The following ARHGAP18 variants were observed in gnomAD, a reference collection of about 807,000 sequenced individuals.
ARHGAP18 encodes the protein rho GTPase-activating protein 18.
A neutral mutation model predicts 86.2 loss-of-function variants in ARHGAP18; 67 were observed. That is an observed-to-expected ratio of 0.78 (90% CI 0.64 to 0.95). The LOEUF is 0.95. Among genes scored for constraint, ARHGAP18 ranks in the 40% least tolerant of loss-of-function variants. The pLI is 0.00. For missense variants in ARHGAP18, 691 were observed against 780.4 expected (o/e 0.89, Z 1.37); for synonymous variants, 283 against 280.4 (o/e 1.01, Z -0.09).
intron 5 of ARHGAP18, 144 bp downstream of exon 5, chr6:129,629,209 C>G: frequency 1.6e-4 from 108 of 673,566 alleles, no homozygotes; most frequent in Non-Finnish European, 2.2e-4. Flanking sequence ...CGTAGTGAGG[C>G]CTCATCTTTC....
chr6:129,628,692 A>T (rs1378922527), intron 5 of ARHGAP18, among the ~76,000 whole-genome samples: 1 of 152,200 alleles, frequency 6.6e-6, no homozygotes. Flanking sequence ...TCCTGAGGAA[A>T]CAATCAGAAA....
At chr6:129,583,585 A>T (rs1788330984) in intron 13 of ARHGAP18, among the ~76,000 whole-genome samples, 1 of 152,162 alleles carries the variant, frequency 6.6e-6, no homozygotes, top group African/African-American at 2.4e-5. Context: ...TCATAGAAAA[A>T]GTTGTGTCTT....
chr6:129,668,893 C>T (rs1774093683), intron 1 of ARHGAP18, among the ~76,000 whole-genome samples: 1 of 152,214 alleles, frequency 6.6e-6, no homozygotes, highest in African/African-American at 2.4e-5. Context: ...AACCTTGCTG[C>T]TGACTGGACA....
At chr6:129,587,930 C>T (rs1295714822) in intron 12 of ARHGAP18, among the ~76,000 whole-genome samples, 4 of 152,142 alleles carry the variant, frequency 2.6e-5, no homozygotes, top group Non-Finnish European at 5.9e-5. Flanking sequence ...AAGTCCAAGG[C>T]CTCATCTGAG....
intron 1 of ARHGAP18, among the ~76,000 whole-genome samples, chr6:129,676,139 A>G (rs547206123): frequency 6.6e-6 from 1 of 152,328 alleles, no homozygotes; most frequent in East Asian, 1.9e-4. Flanking sequence ...AAGGTGGGAG[A>G]GAATGAGGAG....
intron 1 of ARHGAP18, among the ~76,000 whole-genome samples, chr6:129,696,609 CTA>C (rs766728051): frequency 1.2e-4 from 18 of 152,134 alleles, no homozygotes; most frequent in Non-Finnish European, 2.6e-4. Flanking sequence ...GGAATTGAAT[CTA>C]TATAGTGCTT....
intron 1 of ARHGAP18, among the ~76,000 whole-genome samples, chr6:129,659,919 C>T (rs61678190): frequency 0.11 from 16,770 of 152,004 alleles, 1,285 homozygotes; most frequent in African/African-American, 0.21. Context: ...CCAGGTAGAA[C>T]GTGATGAGAA....
At chr6:129,670,275 A>G (rs751654316) in intron 1 of ARHGAP18, among the ~76,000 whole-genome samples, 2 of 152,252 alleles carry the variant, frequency 1.3e-5, no homozygotes, top group Admixed American at 1.3e-4. Context: ...GAGAGCTTAC[A>G]TTATCACTTC....
intron 12 of ARHGAP18, among the ~76,000 whole-genome samples, chr6:129,591,008 G>A (rs1009495258): frequency 2.0e-5 from 3 of 152,102 alleles, no homozygotes; most frequent in Admixed American, 2.0e-4. Flanking sequence ...GTTGTTTCTG[G>A]GAAGTTTTTG....
intron 1 of ARHGAP18, chr6:129,661,780 G>A (rs764321751): frequency 8.4e-5 from 56 of 665,992 alleles, no homozygotes; most frequent in Admixed American, 1.3e-4. Flanking sequence ...CACAAATAAC[G>A]TGCAGGGTAT....
chr6:129,650,992 T>C (rs887933316), intron 1 of ARHGAP18, among the ~76,000 whole-genome samples: 9 of 152,228 alleles, frequency 5.9e-5, no homozygotes, highest in Admixed American at 2.6e-4. Context: ...CATTAAATTA[T>C]GTGTTCCTTG....
chr6:129,676,915 CTTTTTTTTT>C (rs10688716), intron 1 of ARHGAP18, among the ~76,000 whole-genome samples: 19 of 37,994 alleles, frequency 5.0e-4, no homozygotes, highest in Non-Finnish European at 7.1e-4. Flanking sequence ...TTTTTGTCCT[CTTTTTTTTT>C]TTTTTTTTTT....
chr6:129,590,712 CCAACAAT>C (rs1788491351), intron 12 of ARHGAP18, among the ~76,000 whole-genome samples: 1 of 152,194 alleles, frequency 6.6e-6, no homozygotes, highest in Admixed American at 6.5e-5. Context: ...TTTCATTAAA[CCAACAAT>C]GGTACATGGT....
chr6:129,583,457 T>A (rs1489075343), intron 13 of ARHGAP18, among the ~76,000 whole-genome samples: 1 of 152,194 alleles, frequency 6.6e-6, no homozygotes, highest in Non-Finnish European at 1.5e-5. Flanking sequence ...GGACCTGTTG[T>A]CCTTAATGAG....
chr6:129,616,006 TCA>T (rs1204104801), intron 7 of ARHGAP18, among the ~76,000 whole-genome samples: 1 of 152,128 alleles, frequency 6.6e-6, no homozygotes, highest in Non-Finnish European at 1.5e-5. Context: ...CGCCAGGTAA[TCA>T]CAGTTACAGT....
At chr6:129,635,051 C>T (rs867738007) in intron 3 of ARHGAP18, among the ~76,000 whole-genome samples, 2 of 152,152 alleles carry the variant, frequency 1.3e-5, no homozygotes, top group African/African-American at 2.4e-5. Flanking sequence ...AAACCATGGC[C>T]GACTCTGCTC....
chr6:129,667,747 G>C (rs9402162), intron 1 of ARHGAP18, among the ~76,000 whole-genome samples: 75,944 of 151,554 alleles, frequency 0.5, 19,508 homozygotes, highest in African/African-American at 0.61. Context: ...GTTCCCAGCA[G>C]GCTCTTGGCC....
At chr6:129,692,573 A>G (rs1774546185) in intron 1 of ARHGAP18, among the ~76,000 whole-genome samples, 1 of 152,246 alleles carries the variant, frequency 6.6e-6, no homozygotes, top group East Asian at 1.9e-4. Flanking sequence ...GGGAAAAGGC[A>G]GCATGGGATG....
chr6:129,670,990 A>G (rs7766174), intron 1 of ARHGAP18, among the ~76,000 whole-genome samples: 1 of 152,148 alleles, frequency 6.6e-6, no homozygotes, highest in Non-Finnish European at 1.5e-5. Context: ...TCTTCAAATC[A>G]TAACATTTGC....
Sources: allele counts gnomAD v4.1 joint callset (sites outside exome capture counted in the v4.1 genomes callset), GRCh38; gene constraint gnomAD v4.1.1; transcripts MANE v1.5; gene names NCBI Gene and HGNC (gene_info 2026-07-23, HGNC 2026-07-21).